The following SINHCAF variants were observed in gnomAD, a reference collection of about 807,000 sequenced individuals.
SINHCAF encodes SIN3-HDAC complex-associated factor.
SINHCAF carries 3 observed loss-of-function variants against 25.8 expected under a neutral mutation model. The ratio of observed to expected loss-of-function variants is 0.12; its 90% confidence interval spans 0.05 to 0.30. SINHCAF has a LOEUF of 0.30. Ranked by LOEUF, SINHCAF falls within the 10% of genes least tolerant of loss-of-function variation. The probability of loss-of-function intolerance (pLI) is 1.00; values close to 1 mark genes in which losing one functional copy is unlikely to be tolerated. For missense variants in SINHCAF, 121 were observed against 262.3 expected, an observed-to-expected ratio of 0.46 and a Z score of 3.72; for synonymous variants, 70 against 85.5, an observed-to-expected ratio of 0.82 and a Z score of 1.00.
chr12:31,288,425 A>C (rs1247191887), intron 4 of SINHCAF, among the ~76,000 whole-genome samples: 1 of 152,140 alleles, frequency 6.6e-6, no homozygotes, highest in African/African-American at 2.4e-5. Flanking sequence ...CTTAGGAAGC[A>C]CCCCAACACC....
chr12:31,315,111 C>G (rs1431561253), intron 1 of SINHCAF, among the ~76,000 whole-genome samples: 1 of 152,184 alleles, frequency 6.6e-6, no homozygotes, highest in Non-Finnish European at 1.5e-5. Flanking sequence ...TACCTGTGCT[C>G]TGAAGTAGAC....
intron 1 of SINHCAF, chr12:31,312,072 C>T: frequency 2.0e-6 from 1 of 512,732 alleles, no homozygotes; most frequent in East Asian, 5.3e-5. Context: ...GGTGTCATCC[C>T]AGTCACTGTT....
At chr12:31,288,894 AT>A (rs1270193119) in intron 4 of SINHCAF, among the ~76,000 whole-genome samples, 2 of 152,238 alleles carry the variant, frequency 1.3e-5, no homozygotes, top group Admixed American at 6.5e-5. Context: ...TCAGTGAGCA[AT>A]TATGAACATG....
rs1268042664 is a variant in SINHCAF at position 31,281,952 on chromosome 12, G to C, written c.*760C>G. The C allele has an allele frequency of 2.0e-5, 3 of 152,406 alleles. No homozygotes were observed. The East Asian group carries it at 5.8e-4, about 29-fold the overall frequency. The allele number at this position is 152,406 out of a possible 1,614,324, so 9.4% of individuals were successfully genotyped here. On this transcript the variant is annotated 3_prime_UTR_variant, in exon 6 of 6. Transcript: ENST00000337682. ...GCTTAATAATCAGTAGTACAGGTGT[G>C]AATCATCAGAAGCTTGGCAAGACCT... is the stretch of plus-strand genomic sequence containing the variant.
chr12:31,286,537 A>G (rs1276509833), intron 5 of SINHCAF, among the ~76,000 whole-genome samples: 3 of 151,880 alleles, frequency 2.0e-5, no homozygotes, highest in Non-Finnish European at 4.4e-5. Flanking sequence ...GTGGCCATGC[A>G]CCTGTAATCC....
intron 1 of SINHCAF, chr12:31,298,647 A>G: frequency 4.3e-6 from 1 of 231,618 alleles, no homozygotes; most frequent in Non-Finnish European, 8.6e-6. Context: ...CCTCTGGGGA[A>G]GTTTTGAGCA....
intron 1 of SINHCAF, among the ~76,000 whole-genome samples, chr12:31,311,220 C>A (rs1487937584): frequency 6.6e-6 from 1 of 152,172 alleles, no homozygotes; most frequent in Non-Finnish European, 1.5e-5. Context: ...TTTGAGCCAT[C>A]TTCTGAAAGC....
chr12:31,309,685 A>ATTT (rs1555115744), intron 1 of SINHCAF, among the ~76,000 whole-genome samples: 71 of 95,922 alleles, frequency 7.4e-4, no homozygotes, highest in East Asian at 2.5e-3. Flanking sequence ...TTTTTTTTTG[A>ATTT]GACGGAGTCT....
In SINHCAF at chr12:31,325,558, C is replaced by G. The variant is rs1939936369; in HGVS notation, c.-21+466G>C. On this transcript the variant is annotated intron_variant, in intron 1 of 5. Coordinates refer to ENST00000337682, the MANE Select transcript of SINHCAF (RefSeq NM_001135812.2). This position sits in a 1 kb window ranked among gnomAD's most constrained non-coding sequence, Gnocchi z 5.9. The stretch of plus-strand genomic sequence containing the variant: ...AACCACGAGGTTTCACAACGGCGCC[C>G]GACCCTGCCCGCGCCTCGCGCCCAC... 1 of 198,714 alleles carries G rather than the reference C, an allele frequency of 5.0e-6. No individual in the cohort carries two copies. Among genetic ancestry groups the G allele is most frequent in the Admixed American group, 5.6e-5 (1 of 17,758 alleles). 12.3% of individuals were successfully genotyped at this position (198,714 alleles called of 1,614,324 possible). A position where few individuals can be genotyped will look rare whatever the true frequency, so the allele number is the denominator to read the frequency against.
At chr12:31,311,601 G>A (rs1390912036) in intron 1 of SINHCAF, 2 of 351,712 alleles carry the variant, frequency 5.7e-6, no homozygotes, top group African/African-American at 4.3e-5. Flanking sequence ...GCAGCCCCCT[G>A]GACCCAGGGC....
At chr12:31,293,108 G>A (rs923556475) in intron 4 of SINHCAF, among the ~76,000 whole-genome samples, 17 of 152,148 alleles carry the variant, frequency 1.1e-4, no homozygotes, top group African/African-American at 4.1e-4. Context: ...ACTTTTTGCT[G>A]TAAAAATACT....
At chr12:31,323,036 T>C (rs1031588153) in intron 1 of SINHCAF, among the ~76,000 whole-genome samples, 2 of 152,170 alleles carry the variant, frequency 1.3e-5, no homozygotes, top group Admixed American at 6.5e-5. Flanking sequence ...CGTTACCCTG[T>C]GTCATCTTCC....
intron 1 of SINHCAF, among the ~76,000 whole-genome samples, chr12:31,316,652 G>A (rs1026686482): frequency 6.6e-5 from 10 of 152,110 alleles, no homozygotes; most frequent in Non-Finnish European, 1.3e-4. Context: ...GTTTCACAGC[G>A]ATAGTTTATA....
At chr12:31,312,722 T>C in intron 1 of SINHCAF, among the ~76,000 whole-genome samples, 1 of 152,238 alleles carries the variant, frequency 6.6e-6, no homozygotes, top group Non-Finnish European at 1.5e-5. Context: ...TCACTGTTAC[T>C]CATTTAACTG....
intron 1 of SINHCAF, among the ~76,000 whole-genome samples, chr12:31,309,664 A>ATTTTTTTTTTTT (rs869251301): frequency 1.8e-4 from 23 of 128,732 alleles, no homozygotes; most frequent in African/African-American, 4.1e-4. Context: ...TCAACTTGTG[A>ATTTTTTTTTTTT]TTTTTTTTTT....
intron 1 of SINHCAF, chr12:31,304,487 A>T (rs1272766118): frequency 2.6e-5 from 4 of 152,240 alleles, no homozygotes; most frequent in African/African-American, 9.6e-5. Context: ...GTTCTAGATA[A>T]GTTAGAGAAT....
chr12:31,302,831 A>G (rs1250631543), intron 1 of SINHCAF: 3 of 596,228 alleles, frequency 5.0e-6, no homozygotes, highest in African/African-American at 2.0e-5. Flanking sequence ...CCTTTGTTCT[A>G]TATCTGATAC....
At chr12:31,297,751 G>T (rs1303470369) in intron 2 of SINHCAF, among the ~76,000 whole-genome samples, 2 of 152,026 alleles carry the variant, frequency 1.3e-5, no homozygotes, top group Non-Finnish European at 2.9e-5. Context: ...CAGATTACTG[G>T]TGTGAGCCAC....
chr12:31,317,610 C>T (rs1939541819), intron 1 of SINHCAF, among the ~76,000 whole-genome samples: 1 of 151,806 alleles, frequency 6.6e-6, no homozygotes, highest in Admixed American at 6.6e-5. Flanking sequence ...TTACTACCTC[C>T]TGCTTTTTTT....
Sources: gnomAD v4.1 joint callset for allele counts (sites outside exome capture counted in the v4.1 genomes callset) on GRCh38, gnomAD v4.1.1 for gene constraint, Gnocchi (gnomAD v3.1) non-coding constraint, MANE v1.5 for transcripts, NCBI Gene and HGNC (gene_info 2026-07-23, HGNC 2026-07-21) for gene names.